The following COL16A1 variants were observed in gnomAD, a reference collection of about 807,000 sequenced individuals.
COL16A1 encodes collagen type XVI alpha 1 chain.
In COL16A1, 189 loss-of-function variants were observed where a neutral mutation model predicts 266.3. The ratio of observed to expected loss-of-function variants is 0.71; its 90% CI spans 0.63 to 0.80. The LOEUF (loss-of-function observed/expected upper bound fraction) is 0.80, where lower values mean the gene tolerates loss of function less well. Ranked by LOEUF, COL16A1 falls within the 30% of genes least tolerant of loss-of-function variation. The probability of loss-of-function intolerance (pLI) is 0.00; values close to 1 mark genes in which losing one functional copy is unlikely to be tolerated. For synonymous variants in COL16A1, 740 were observed against 782.3 expected (o/e 0.95, Z 0.90); for missense variants, 1,928 against 2,122.4 (o/e 0.91, Z 1.80).
chr1:31,683,515 G>A (rs1643796885), intron 34 of COL16A1, 146 bp from the exon 35 acceptor site: 2 of 1,575,308 alleles, frequency 1.3e-6, no homozygotes, highest in Non-Finnish European at 1.7e-6. Context: ...GAGGGTCAGA[G>A]AGGCTGGGGT....
Position 31,685,879 on chromosome 1 carries a change from G to T in COL16A1, c.1885-109C>A. On this transcript the variant is annotated intron_variant, in intron 28 of 70. Coordinates refer to ENST00000373672, the MANE Select transcript of COL16A1 (RefSeq NM_001856.4). The surrounding 1 kb of genome is among the most constrained non-coding windows in gnomAD (Gnocchi z 4.0). ...TCACTGGGTCTGACACTGCACCTCT[G>T]CTGGGTGAGGGGTTATCTTGGGAAA... 1 of 1,543,060 alleles carries T rather than the reference G, an allele frequency of 6.5e-7. No individual in the cohort carries two copies. Among genetic ancestry groups the T allele is most frequent in the Non-Finnish European group, 8.8e-7 (1 of 1,136,522 alleles).
intron 48 of COL16A1, among the ~76,000 whole-genome samples, chr1:31,671,181 G>A (rs965118483): frequency 6.6e-6 from 1 of 152,256 alleles, no homozygotes; most frequent in Non-Finnish European, 1.5e-5. Context: ...ACAGAGCAAT[G>A]GAGGACAGCT....
intron 37 of COL16A1, among the ~76,000 whole-genome samples, chr1:31,682,055 T>TA (rs1643684247): frequency 6.6e-6 from 1 of 152,190 alleles, no homozygotes; most frequent in Non-Finnish European, 1.5e-5. Flanking sequence ...CAAGACAAAT[T>TA]ACGCATTTGC....
chr1:31,698,369 G>A lies in COL16A1; in HGVS notation c.390+114C>T, dbSNP rs1427050872. On this transcript the variant is annotated intron_variant, in intron 5 of 70. Transcript: ENST00000373672. The surrounding 1 kb of genome is among the most constrained non-coding windows in gnomAD (Gnocchi z 4.1). ...TGGTGGGCTGGGGACAGGCTTGAGG[G>A]TAGGCACAGGATGGAGCAGGGAGAC... 1.3e-6 allele frequency: 2 copies of A among 1,549,788 alleles called. No homozygotes were observed. Among genetic ancestry groups the A allele is most frequent in the African/African-American group, 1.4e-5 (1 of 73,652 alleles).
rs1202995676 is a variant in COL16A1 at position 31,664,242 on chromosome 1, G to T, written c.3555+930C>A. ...GTCCCAAGCATGGCTGATCAGCATG[G>T]GCTCTGGGGAGGTAGTGAGGTGCCC... On this transcript the variant is annotated intron_variant, in intron 56 of 70. Coordinates refer to ENST00000373672, the MANE Select transcript of COL16A1 (RefSeq NM_001856.4). The surrounding 1 kb of genome is among the most constrained non-coding windows in gnomAD (Gnocchi z 5.5). 6.6e-6 allele frequency among the ~76,000 whole-genome samples: 1 copy of T among 152,180 alleles called. No homozygotes were observed. The highest frequency in any genetic ancestry group is 1.5e-5 in the Non-Finnish European group (1 of 68,022).
At chr1:31,669,416 G>A (rs1642446099) in intron 49 of COL16A1, among the ~76,000 whole-genome samples, 1 of 151,980 alleles carries the variant, frequency 6.6e-6, no homozygotes, top group African/African-American at 2.4e-5. Context: ...TAGGGTGAGA[G>A]GGCATGTCAC....
At position 31,694,144 on chromosome 1, in the gene COL16A1, C is replaced by G. The variant is rs200763501; in HGVS notation, c.1008G>C (p.Lys336Asn). The change falls in exon 12 of 71, where the codon AAG (lysine) becomes AAC (asparagine). Residue 336 changes from lysine to asparagine, a missense_variant and splice_region_variant. Physicochemically the swap from Lys to Asn is moderately conservative, Grantham distance 94 (BLOSUM62 0). This residue lies in a region of COL16A1 where 1,552 missense variants were observed against 1,637.2 expected (regional missense o/e 0.95). Transcript: ENST00000373672. ...TGTCCCGTTCTCCATTAGGACTCAC[C>G]TTGGGGCCAGAGGGAGCAAGTGTGA... Reference protein sequence around the residue: ...SNVTLAPSGPKGGKGERGLPG... With the variant: ...SNVTLAPSGPNGGKGERGLPG... The G allele has an allele frequency of 6.3e-7, 1 of 1,599,788 alleles. No homozygotes were observed. Among genetic ancestry groups the G allele is most frequent in the East Asian group, 2.3e-5 (1 of 44,354 alleles).
Position 31,653,952 on chromosome 1 carries a change from A to G in COL16A1, c.4449T>C (p.Ala1483=), listed in dbSNP as rs1243873027. 24 of 1,614,006 alleles carry G rather than the reference A, an allele frequency of 1.5e-5. No homozygotes were observed. Among genetic ancestry groups the G allele is most frequent in the Non-Finnish European group, 2.0e-5 (24 of 1,180,024 alleles). ...ACCCTGGAGCACCTGGCCTGCCCGG[A>G]GCACCATCCTTCCCTGGAGGCCCTG... is the stretch of plus-strand genomic sequence containing the variant. ...GRPGPPGKDG[A]PGRPGAPGSP... is the part of the protein sequence containing the mutation. Residue 1483 remains alanine (A), a synonymous_variant, in exon 69 of 71, where the codon GCT becomes GCC. Coordinates refer to ENST00000373672, the MANE Select transcript of COL16A1 (RefSeq NM_001856.4).
chr1:31,668,667 G>C lies in COL16A1; in HGVS notation c.3249+135C>G. 1.0e-6 allele frequency: 1 copy of C among 967,954 alleles called. No individual in the cohort carries two copies. Among genetic ancestry groups the C allele is most frequent in the Non-Finnish European group, 1.6e-6 (1 of 616,168 alleles). The allele number at this position is 967,954 out of a possible 1,614,324, so 60.0% of individuals were successfully genotyped here. A position where few individuals can be genotyped will look rare whatever the true frequency, so the allele number is the denominator to read the frequency against. The stretch of plus-strand genomic sequence containing the variant: ...GGAAACCTCACACTGAGGGAATCCC[G>C]GCAGAAGGGCAGAGAGTCTCAAGGA... On this transcript the variant is annotated intron_variant, in intron 50 of 70. Coordinates refer to ENST00000373672, the MANE Select transcript of COL16A1 (RefSeq NM_001856.4). This position sits in a 1 kb window ranked among gnomAD's most constrained non-coding sequence, Gnocchi z 5.8.
intron 58 of COL16A1, 85 bp from the exon 59 acceptor site, chr1:31,661,789 C>T: frequency 7.2e-7 from 1 of 1,397,332 alleles, no homozygotes; most frequent in Non-Finnish European, 9.8e-7. Flanking sequence ...CTCTCTCCAG[C>T]CCTCCCCAGC....
chr1:31,687,414 G>GACACAC (rs143135979), intron 26 of COL16A1, among the ~76,000 whole-genome samples: 32 of 140,602 alleles, frequency 2.3e-4, no homozygotes, highest in Admixed American at 2.9e-4. Flanking sequence ...ACAACGCACA[G>GACACAC]ACACACACAC....
At chr1:31,696,231 C>A (rs1644493709) in intron 8 of COL16A1, 90 bp from the exon 9 acceptor site, 2 of 1,147,982 alleles carry the variant, frequency 1.7e-6, no homozygotes, top group Non-Finnish European at 2.6e-6. Flanking sequence ...GGGCATGGGC[C>A]CCAGGTAATC....
rs981373895 is a variant in COL16A1, at chr1:31,675,240, G to A, written c.2826+18C>T. Reference sequence around the variant, plus strand: ...GGCAGGGAAGGGGCATGCACAGGGAGTCCTGGCCAGTACCCACCAGTTCTG... The same window carrying A: ...GGCAGGGAAGGGGCATGCACAGGGAATCCTGGCCAGTACCCACCAGTTCTG... On this transcript the variant is annotated intron_variant, in intron 43 of 70. Coordinates refer to ENST00000373672, the MANE Select transcript of COL16A1 (RefSeq NM_001856.4). 50 of 1,614,096 alleles carry A rather than the reference G, an allele frequency of 3.1e-5. No homozygotes were observed. The highest frequency in any genetic ancestry group is 4.2e-5 in the Non-Finnish European group (49 of 1,180,050).
intron 34 of COL16A1, 65 bp from the exon 35 acceptor site, chr1:31,683,434 C>A: frequency 6.2e-7 from 1 of 1,611,780 alleles, no homozygotes; most frequent in Non-Finnish European, 8.5e-7. Flanking sequence ...CTGGCCCTGC[C>A]GCACCGGCAG....
chr1:31,676,671 A>G (rs894658398), intron 42 of COL16A1, among the ~76,000 whole-genome samples: 13 of 152,238 alleles, frequency 8.5e-5, no homozygotes, highest in African/African-American at 2.4e-4. Flanking sequence ...CGATGTTTAC[A>G]TTAAATCCAT....
At position 31,697,170 on chromosome 1, in the gene COL16A1, C is replaced by A. The variant is rs1644537677; in HGVS notation, c.738+50G>T. On this transcript the variant is annotated intron_variant, in intron 7 of 70. Coordinates refer to ENST00000373672, the MANE Select transcript of COL16A1 (RefSeq NM_001856.4). This position sits in a 1 kb window ranked among gnomAD's most constrained non-coding sequence, Gnocchi z 4.2. ...CTCCAGGCATCACCTTCCAGACCCT[C>A]ATCTCCAGCACAGTGTGTCCCTGGG... The A allele has an allele frequency of 6.2e-7, 1 of 1,612,662 alleles. No homozygotes were observed. The highest frequency in any genetic ancestry group is 8.5e-7 in the Non-Finnish European group (1 of 1,179,140).
chr1:31,671,997 T>C (rs1467747130), intron 47 of COL16A1, among the ~76,000 whole-genome samples: 1 of 152,202 alleles, frequency 6.6e-6, no homozygotes, highest in East Asian at 1.9e-4. Context: ...ATAGTTGGTG[T>C]TGAGCTGACA....
At chr1:31,653,437 C>T in intron 70 of COL16A1, 162 bp downstream of exon 70, 1 of 834,220 alleles carries the variant, frequency 1.2e-6, no homozygotes, top group Non-Finnish European at 1.8e-6. Flanking sequence ...CACATCCCCA[C>T]AGGCCCTGGC....
intron 2 of COL16A1, 93 bp downstream of exon 2, chr1:31,702,025 GACC>G: frequency 6.3e-7 from 1 of 1,585,538 alleles, no homozygotes; most frequent in East Asian, 2.3e-5. Flanking sequence ...CTGCCCACAC[GACC>G]ACACATACAT....
Sources: allele counts gnomAD v4.1 joint callset (sites outside exome capture counted in the v4.1 genomes callset), GRCh38; gene constraint gnomAD v4.1.1; regional missense constraint gnomAD v4.1.1; non-coding constraint Gnocchi (gnomAD v3.1); transcripts MANE v1.5; gene names NCBI Gene and HGNC (gene_info 2026-07-23, HGNC 2026-07-21).